Variants in LACTBL1 observed in about 807,000 individuals in gnomAD.
LACTBL1 encodes the protein lactamase beta like 1, also known as beta-lactamase-like protein 1.
A neutral mutation model predicts 39.6 loss-of-function variants in LACTBL1; 29 were observed. The ratio of observed to expected loss-of-function variants is 0.73; its 90% CI spans 0.55 to 1.00. The LOEUF is 1.00. Among genes scored for constraint, LACTBL1 ranks in the 50% least tolerant of loss-of-function variants. The pLI, the probability that LACTBL1 is intolerant of heterozygous loss-of-function variation, is 0.00. For missense variants in LACTBL1, 711 were observed against 748.5 expected (o/e 0.95, Z 0.59); for synonymous variants, 361 against 360.7 (o/e 1.00, Z -0.01).
chr1:22,959,150 C>CT lies in LACTBL1; in HGVS notation c.318-231dup, dbSNP rs1178632761. ...TGGGATGGATATCCTGGGCCAGGCT[C>CT]TTTTCCAGCCATTTCCCATTCAGGG... On this transcript the variant is annotated intron_variant, in intron 3 of 5. Transcript: ENST00000426928. Among the ~76,000 whole-genome samples the CT allele has an allele frequency of 3.3e-5, 5 of 152,348 alleles. No individual in the cohort carries two copies. The East Asian group carries it at 9.7e-4, about 29-fold the overall frequency.
intron 1 of LACTBL1, 43 bp downstream of exon 3, chr1:22,965,247 C>T (rs969462965): frequency 6.2e-6 from 8 of 1,299,014 alleles, no homozygotes; most frequent in African/African-American, 1.5e-5. Context: ...CAGGAGGACC[C>T]AGGGGGCTAT....
rs574026880 is a variant in LACTBL1, at chr1:22,953,890, A to C, written c.794T>G (p.Leu265Arg). Residue 265 changes from leucine (L) to arginine (R), a missense_variant, in exon 6 of 6, where the codon CTC becomes CGC. Physicochemically the swap from Leu to Arg is moderately radical, Grantham distance 102 (BLOSUM62 -2). Transcript: ENST00000426928. ...CAGGCGCGCGCGCACGTCGGGCGTG[A>C]GGTCAAAGCCCGTGTCTGCCATCCC... 4 of 1,549,690 alleles carry C rather than the reference A, an allele frequency of 2.6e-6. No individual in the cohort carries two copies. The African/African-American group carries it at 5.5e-5, about 21-fold the overall frequency.
At chr1:22,966,846 G>T (rs900813510), upstream of LACTBL1, among the ~76,000 whole-genome samples, 13 of 152,082 alleles carry the variant, frequency 8.5e-5, no homozygotes, top group Non-Finnish European at 1.5e-5. Flanking sequence ...ATGCTTCAGG[G>T]TCTGCCTGGG....
chr1:22,963,734 A>G (rs1368115241), intron 1 of LACTBL1, among the ~76,000 whole-genome samples: 1 of 152,078 alleles, frequency 6.6e-6, no homozygotes, highest in African/African-American at 2.4e-5. Context: ...GAGAAGGTGA[A>G]GTGCTGGCAG....
At position 22,963,228 on chromosome 1, in the gene LACTBL1, A is replaced by C. The variant is rs1217116349; in HGVS notation, c.50-12T>G. 1.6e-5 allele frequency: 21 copies of C among 1,324,104 alleles called. No individual in the cohort carries two copies. Among genetic ancestry groups the C allele is most frequent in the Non-Finnish European group, 2.1e-5 (21 of 1,018,730 alleles). The allele number at this position is 1,324,104 out of a possible 1,614,324, so 82.0% of individuals were successfully genotyped here. A position where few individuals can be genotyped will look rare whatever the true frequency, so the allele number is the denominator to read the frequency against. ...TGGTCCCAGGGAACCTGGAGGGAAC[A>C]TCACATGGTGAGGAGGGGACAGAGA... On this transcript the variant is annotated splice_polypyrimidine_tract_variant and intron_variant, in intron 1 of 5. Transcript: ENST00000426928.
chr1:22,966,674 T>C (rs901622267), upstream of LACTBL1, among the ~76,000 whole-genome samples: 1 of 152,176 alleles, frequency 6.6e-6, no homozygotes, highest in African/African-American at 2.4e-5. Flanking sequence ...CTCTCTCCCC[T>C]CTACTTCAGA....
upstream of LACTBL1, among the ~76,000 whole-genome samples, chr1:22,966,233 T>C (rs997688875): frequency 6.6e-6 from 1 of 152,206 alleles, no homozygotes; most frequent in Non-Finnish European, 1.5e-5. Context: ...ATTGATTGCC[T>C]CCTATGTGCT....
the LACTBL1 span, among the ~76,000 whole-genome samples, chr1:22,972,707 C>T: frequency 2.0e-5 from 3 of 152,184 alleles, no homozygotes; most frequent in Non-Finnish European, 4.4e-5. Flanking sequence ...TCCAGCTCCT[C>T]TTCCCCACCC....
chr1:22,970,593 A>C, the LACTBL1 span, among the ~76,000 whole-genome samples: 34 of 152,138 alleles, frequency 2.2e-4, no homozygotes, highest in Admixed American at 2.2e-3. Context: ...GGATCACTTG[A>C]GTCCAGGAGT....
intron 2 of LACTBL1, among the ~76,000 whole-genome samples, chr1:22,962,619 C>T (rs894646709): frequency 3.9e-5 from 6 of 152,140 alleles, no homozygotes; most frequent in African/African-American, 1.4e-4. Context: ...CACCTATGGC[C>T]TCTCAGTTCT....
At chr1:22,964,637 A>G (rs1239191378) in intron 1 of LACTBL1, among the ~76,000 whole-genome samples, 1 of 152,204 alleles carries the variant, frequency 6.6e-6, no homozygotes, top group Admixed American at 6.5e-5. Flanking sequence ...GAAAATTACA[A>G]ACCTTAGGGA....
In LACTBL1 at chr1:22,961,255, G is replaced by T. The variant is rs529563869; in HGVS notation, c.160-1156C>A. Among the ~76,000 whole-genome samples the T allele has an allele frequency of 2.0e-5, 3 of 152,336 alleles. No individual in the cohort carries two copies. The South Asian group carries it at 6.2e-4, about 32-fold the overall frequency. On this transcript the variant is annotated intron_variant, in intron 2 of 5. Coordinates refer to ENST00000426928, the Ensembl canonical transcript of LACTBL1. ...TAATTTCTGCCCATTTTACAGATGA[G>T]AAATGAGAGCCTATGAGATATGAGG...
the LACTBL1 span, chr1:22,972,760 G>T: frequency 1.6e-6 from 1 of 625,632 alleles, no homozygotes; most frequent in Non-Finnish European, 2.0e-6. Context: ...CAGGCTCTTG[G>T]CCACAACTTA....
intron 1 of LACTBL1, among the ~76,000 whole-genome samples, 166 bp from the exon 4 acceptor site, chr1:22,963,382 A>C (rs1478283609): frequency 1.3e-5 from 2 of 152,168 alleles, no homozygotes; most frequent in Non-Finnish European, 2.9e-5. Context: ...TGAGGGGCCT[A>C]GGGAGCAAAG....
chr1:22,967,942 T>C (rs376602144), upstream of LACTBL1, among the ~76,000 whole-genome samples: 9 of 152,130 alleles, frequency 5.9e-5, no homozygotes, highest in East Asian at 1.5e-3. Context: ...ACATCCTAGG[T>C]GGAGTTGAAG....
chr1:22,956,800 CTTG>C (rs1244738793), intron 4 of LACTBL1, among the ~76,000 whole-genome samples: 1 of 152,074 alleles, frequency 6.6e-6, no homozygotes, highest in Non-Finnish European at 1.5e-5. Flanking sequence ...TTCATCTTGA[CTTG>C]TTATCATAGC....
At chr1:22,960,000 C>T (rs771414743) in exon 3 of LACTBL1, 1 of 1,551,130 alleles carries the variant, frequency 6.4e-7, no homozygotes, top group South Asian at 1.2e-5. Context: ...TTCTTCTTCC[C>T]AAAGTTCCCT....
At chr1:22,956,515 T>C (rs1434894359) in intron 4 of LACTBL1, among the ~76,000 whole-genome samples, 1 of 152,094 alleles carries the variant, frequency 6.6e-6, no homozygotes, top group Non-Finnish European at 1.5e-5. Context: ...ACTTGAGGGA[T>C]TCCTACCTTT....
intron 2 of LACTBL1, among the ~76,000 whole-genome samples, chr1:22,962,673 G>T (rs892372590): frequency 6.6e-6 from 1 of 151,950 alleles, no homozygotes; most frequent in Non-Finnish European, 1.5e-5. Context: ...GCCCTTCCAC[G>T]TGCTGTTCCA....
Sources: allele counts gnomAD v4.1 joint callset (sites outside exome capture counted in the v4.1 genomes callset), GRCh38; gene constraint gnomAD v4.1.1; transcripts MANE v1.5; gene names NCBI Gene and HGNC (gene_info 2026-07-23, HGNC 2026-07-21).